RBFOX1: variants seen among roughly 807,000 people sequenced by gnomAD.
The protein encoded by RBFOX1 is RNA binding protein fox-1 homolog 1.
In RBFOX1, 8 loss-of-function variants were observed where a neutral mutation model predicts 57.7. The ratio of observed to expected loss-of-function variants is 0.14; its 90% CI spans 0.08 to 0.25. RBFOX1 has a LOEUF of 0.25. RBFOX1 is among the 10% of genes least tolerant of loss of function. The probability of loss-of-function intolerance (pLI) is 1.00; values close to 1 mark genes in which losing one functional copy is unlikely to be tolerated. For missense variants in RBFOX1, 611 were observed against 548.5 expected (o/e 1.11, Z -1.14); for synonymous variants, 326 against 222.4 (o/e 1.47, Z -4.15).
chr16:5,349,609 G>T (rs1596610775), intron 1 of RBFOX1, among the ~76,000 whole-genome samples: 1 of 6,796 alleles, frequency 1.5e-4, no homozygotes, highest in East Asian at 5.7e-3. Context: ...GGAGGCGGAG[G>T]TTTCAGTGAG....
chr16:5,971,820 C>T (rs1202151946), intron 4 of RBFOX1, among the ~76,000 whole-genome samples: 1 of 152,198 alleles, frequency 6.6e-6, no homozygotes, highest in Non-Finnish European at 1.5e-5. Flanking sequence ...TATTATTCTG[C>T]ATGCTTCTAT....
chr16:7,440,564 C>G (rs1003134932), intron 4 of RBFOX1, among the ~76,000 whole-genome samples: 2 of 152,096 alleles, frequency 1.3e-5, no homozygotes, highest in Admixed American at 6.6e-5. Context: ...GCAATTAGGA[C>G]TTAGAGATCC....
At chr16:5,649,216 C>T (rs764007881) in intron 3 of RBFOX1, among the ~76,000 whole-genome samples, 1 of 151,616 alleles carries the variant, frequency 6.6e-6, no homozygotes, top group African/African-American at 2.4e-5. Context: ...TCTCTGTCAC[C>T]CAGGTTGGAG....
intron 3 of RBFOX1, among the ~76,000 whole-genome samples, chr16:6,987,294 C>G (rs1240307019): frequency 6.6e-6 from 1 of 152,144 alleles, no homozygotes; most frequent in Admixed American, 6.5e-5. Flanking sequence ...TTAGGATCAT[C>G]TGGTTCAGTC....
chr16:5,926,961 A>G (rs1042699964), intron 4 of RBFOX1, among the ~76,000 whole-genome samples: 1 of 152,192 alleles, frequency 6.6e-6, no homozygotes, highest in African/African-American at 2.4e-5. Context: ...GCGTGCATTC[A>G]CTATAATCCA....
At chr16:6,636,814 A>ATATATGT (rs2098438700) in intron 2 of RBFOX1, among the ~76,000 whole-genome samples, 1 of 9,410 alleles carries the variant, frequency 1.1e-4, no homozygotes, top group African/African-American at 1.2e-4. Context: ...ATAATATATA[A>ATATATGT]TATATAATAT....
chr16:7,493,929 A>T (rs976942415), intron 4 of RBFOX1, among the ~76,000 whole-genome samples: 6 of 152,356 alleles, frequency 3.9e-5, no homozygotes, highest in South Asian at 2.1e-4. Context: ...GGGTTCTTAT[A>T]ATTTTGCATT....
At chr16:7,207,266 A>T (rs1397675522) in intron 4 of RBFOX1, among the ~76,000 whole-genome samples, 1 of 152,158 alleles carries the variant, frequency 6.6e-6, no homozygotes, top group Admixed American at 6.5e-5. Flanking sequence ...TCCTCTGGTC[A>T]CGTTCCGGCC....
chr16:5,706,734 G>C (rs1475635943), intron 3 of RBFOX1, among the ~76,000 whole-genome samples: 3 of 151,904 alleles, frequency 2.0e-5, no homozygotes, highest in Non-Finnish European at 2.9e-5. Flanking sequence ...TTTTTCCTAC[G>C]ATGGTTGATG....
intron 1 of RBFOX1, among the ~76,000 whole-genome samples, chr16:5,288,709 G>A (rs1410403944): frequency 6.8e-6 from 1 of 147,110 alleles, no homozygotes; most frequent in African/African-American, 2.6e-5. Flanking sequence ...ATGTTTTTTG[G>A]TCCCACTTCT....
At chr16:7,035,175 T>A (rs1049003050) in intron 3 of RBFOX1, among the ~76,000 whole-genome samples, 1 of 151,956 alleles carries the variant, frequency 6.6e-6, no homozygotes, top group Middle Eastern at 3.2e-3. Flanking sequence ...GTAATGAGTT[T>A]CCAGGTGATG....
intron 4 of RBFOX1, among the ~76,000 whole-genome samples, chr16:5,900,950 T>C (rs1412803241): frequency 1.3e-5 from 2 of 152,212 alleles, no homozygotes; most frequent in Admixed American, 6.6e-5. Context: ...GACAGTGCAG[T>C]GGCTCTATCT....
At chr16:6,815,177 G>T (rs1351985861) in intron 3 of RBFOX1, among the ~76,000 whole-genome samples, 1 of 152,174 alleles carries the variant, frequency 6.6e-6, no homozygotes, top group Non-Finnish European at 1.5e-5. Context: ...TGAGAGTGCT[G>T]TTGAGCATGC....
intron 9 of RBFOX1, among the ~76,000 whole-genome samples, chr16:7,602,387 G>A (rs1480714568): frequency 6.6e-6 from 1 of 152,166 alleles, no homozygotes; most frequent in East Asian, 1.9e-4. Flanking sequence ...TGGGGCTGGG[G>A]GGGCCCTGGG....
chr16:5,322,892 T>A (rs180792775), intron 1 of RBFOX1, among the ~76,000 whole-genome samples: 7 of 152,334 alleles, frequency 4.6e-5, no homozygotes, highest in Admixed American at 1.3e-4. Context: ...TTCAGTGGTT[T>A]CTCTTCCGGC....
intron 3 of RBFOX1, among the ~76,000 whole-genome samples, chr16:5,756,935 C>G (rs1278715984): frequency 6.6e-6 from 1 of 152,050 alleles, no homozygotes; most frequent in Admixed American, 6.5e-5. Flanking sequence ...AGGATAAAGC[C>G]CTTAACTGTA....
chr16:5,488,653 G>A (rs924313561), intron 2 of RBFOX1, among the ~76,000 whole-genome samples: 3 of 133,328 alleles, frequency 2.3e-5, no homozygotes, highest in African/African-American at 1.0e-4. Context: ...TGGTGATGAT[G>A]ATTATGGGAG....
intron 1 of RBFOX1, among the ~76,000 whole-genome samples, chr16:5,349,003 C>T (rs1039124467): frequency 3.3e-5 from 5 of 152,236 alleles, no homozygotes; most frequent in African/African-American, 9.6e-5. Context: ...TCTTGTTTTC[C>T]AGAACAACTG....
intron 3 of RBFOX1, among the ~76,000 whole-genome samples, chr16:5,782,746 C>A (rs1342105689): frequency 6.6e-6 from 1 of 152,166 alleles, no homozygotes; most frequent in Non-Finnish European, 1.5e-5. Flanking sequence ...ACCTAACCAG[C>A]AATCTGGAGA....
Sources: gnomAD v4.1 joint callset for allele counts (sites outside exome capture counted in the v4.1 genomes callset) on GRCh38, gnomAD v4.1.1 for gene constraint, MANE v1.5 for transcripts, NCBI Gene and HGNC (gene_info 2026-07-23, HGNC 2026-07-21) for gene names.